Variants in DCAF12 observed in about 807,000 individuals in gnomAD.
DCAF12 encodes DDB1- and CUL4-associated factor 12.
Under a neutral mutation model 52.8 loss-of-function variants are expected in DCAF12, and 28 were observed. That is an observed-to-expected ratio of 0.53 (90% CI 0.39 to 0.73). The LOEUF is 0.73. DCAF12 is among the 30% of genes least tolerant of loss of function. The pLI is 0.00. For missense variants in DCAF12, 425 were observed against 552.2 expected (o/e 0.77, Z 2.31); for synonymous variants, 196 against 215.5 (o/e 0.91, Z 0.79).
intron 5 of DCAF12, 36 bp downstream of exon 5, chr9:34,098,288 G>A (rs760186338): frequency 1.3e-6 from 2 of 1,596,410 alleles, no homozygotes; most frequent in Admixed American, 1.7e-5. Flanking sequence ...ATAAGCAAGA[G>A]GAATACACGT....
chr9:34,093,615 AGAG>A (rs1472922375), intron 6 of DCAF12, 167 bp from the exon 7 acceptor site: 3 of 667,230 alleles, frequency 4.5e-6, no homozygotes, highest in Non-Finnish European at 7.5e-6. Flanking sequence ...TACAGGAGAA[AGAG>A]GAGGTGAATG....
chr9:34,116,414 T>C (rs1305348829), intron 2 of DCAF12, among the ~76,000 whole-genome samples: 1 of 151,798 alleles, frequency 6.6e-6, no homozygotes, highest in Non-Finnish European at 1.5e-5. Context: ...CTCACACCTG[T>C]AATCCCAGCA....
intron 4 of DCAF12, among the ~76,000 whole-genome samples, chr9:34,106,071 T>C (rs1828899760): frequency 6.6e-6 from 1 of 151,006 alleles, no homozygotes; most frequent in South Asian, 2.1e-4. Context: ...TTTCTTACAA[T>C]AAATGTGTAT....
At chr9:34,117,319 T>G (rs1276270228) in intron 2 of DCAF12, among the ~76,000 whole-genome samples, 2 of 151,230 alleles carry the variant, frequency 1.3e-5, no homozygotes, top group South Asian at 4.2e-4. Flanking sequence ...CCCGGCTAAT[T>G]TTTTGTATTT....
Position 34,107,385 on chromosome 9 carries a change from T to C in DCAF12, c.514A>G (p.Thr172Ala), listed in dbSNP as rs367801837. ...TCTCCTACACACACAGGATCCAGCGTAGGTAGTCGATAGATGGCAAGACTG... is the reference window on the plus strand; with the variant it reads ...TCTCCTACACACACAGGATCCAGCGCAGGTAGTCGATAGATGGCAAGACTG... ...PNSLAIYRLP[T>A]LDPVCVGDDG... The change falls in exon 3 of 9, where the codon ACG becomes GCG. Residue 172 changes from threonine to alanine, a missense_variant. Thr to Ala is a moderately conservative substitution (Grantham distance 58, BLOSUM62 0). This residue lies in a region of DCAF12 where 328 missense variants were observed against 444.4 expected (regional missense o/e 0.74). Transcript: ENST00000361264. The C allele has an allele frequency of 1.2e-6, 2 of 1,614,102 alleles. No homozygotes were observed. The highest frequency in any genetic ancestry group is 1.7e-6 in the Non-Finnish European group (2 of 1,180,024).
At chr9:34,089,726 G>A in intron 7 of DCAF12, 136 bp from the exon 8 acceptor site, 1 of 789,594 alleles carries the variant, frequency 1.3e-6, no homozygotes, top group Non-Finnish European at 1.9e-6. Flanking sequence ...GTATCAGACA[G>A]TGTTTTCCCA....
intron 8 of DCAF12, 123 bp from the exon 9 acceptor site, chr9:34,088,631 T>G: frequency 9.4e-7 from 1 of 1,065,876 alleles, no homozygotes; most frequent in Non-Finnish European, 1.4e-6. Flanking sequence ...TACAACCTCA[T>G]GTCAGGAGAT....
At chr9:34,101,940 TGG>T (rs1179966081) in intron 4 of DCAF12, among the ~76,000 whole-genome samples, 1 of 149,788 alleles carries the variant, frequency 6.7e-6, no homozygotes, top group Non-Finnish European at 1.5e-5. Flanking sequence ...AGCTTGAGCC[TGG>T]GAAGTAGAAG....
chr9:34,121,431 C>G (rs1190556316), intron 2 of DCAF12, among the ~76,000 whole-genome samples: 4 of 152,120 alleles, frequency 2.6e-5, no homozygotes, highest in African/African-American at 9.7e-5. Context: ...CCGAGAGGTC[C>G]CTCGCTCTCT....
At chr9:34,125,606 G>A (rs1439038826) in intron 1 of DCAF12, 3 of 482,722 alleles carry the variant, frequency 6.2e-6, no homozygotes, top group Non-Finnish European at 1.3e-5. Flanking sequence ...TTCCCATACC[G>A]ACATGGGCTG....
rs1180768717 is a variant in DCAF12 at position 34,089,267 on chromosome 9, CG to C, written c.1203+144del. ...CAACGTGCAGACATAAAAGCAAAATCGGGGGAAGTCTTTTCCTGTTCCAATG... is the reference window on the plus strand; with the variant it reads ...CAACGTGCAGACATAAAAGCAAAATCGGGGAAGTCTTTTCCTGTTCCAATG... On this transcript the variant is annotated intron_variant, in intron 8 of 8. Coordinates refer to ENST00000361264, the MANE Select transcript of DCAF12 (RefSeq NM_015397.4). 1.5e-5 allele frequency: 14 copies of C among 916,016 alleles called. No homozygotes were observed. The African/African-American group carries it at 2.0e-4, about 13-fold the overall frequency. The allele number at this position is 916,016 out of a possible 1,614,324, so 56.7% of individuals were successfully genotyped here.
intron 7 of DCAF12, among the ~76,000 whole-genome samples, 190 bp downstream of exon 7, chr9:34,093,096 G>A (rs954371699): frequency 6.6e-6 from 1 of 152,174 alleles, no homozygotes; most frequent in Non-Finnish European, 1.5e-5. Context: ...TGATCCACCC[G>A]CCTCGGCCTC....
intron 2 of DCAF12, among the ~76,000 whole-genome samples, chr9:34,114,887 G>A (rs975327651): frequency 2.6e-5 from 4 of 151,924 alleles, no homozygotes; most frequent in African/African-American, 9.7e-5. Context: ...GGATCTCATG[G>A]GCCCAGGAGG....
At chr9:34,090,737 C>G (rs1433645935) in intron 7 of DCAF12, among the ~76,000 whole-genome samples, 2 of 151,992 alleles carry the variant, frequency 1.3e-5, no homozygotes, top group Non-Finnish European at 2.9e-5. Context: ...TCACTGCAAC[C>G]TCCACCTCCC....
At chr9:34,113,778 C>G (rs1829042486) in intron 2 of DCAF12, among the ~76,000 whole-genome samples, 1 of 152,186 alleles carries the variant, frequency 6.6e-6, no homozygotes, top group African/African-American at 2.4e-5. Context: ...GATACGGAAT[C>G]AGCCGAAGTG....
chr9:34,098,648 T>C, intron 4 of DCAF12, 131 bp from the exon 5 acceptor site: 2 of 861,366 alleles, frequency 2.3e-6, no homozygotes, highest in South Asian at 3.8e-5. Flanking sequence ...CTTGGCCAGA[T>C]GGCCCACCCT....
intron 2 of DCAF12, among the ~76,000 whole-genome samples, chr9:34,118,610 C>A (rs1250268708): frequency 6.6e-6 from 1 of 152,058 alleles, no homozygotes; most frequent in Admixed American, 6.6e-5. Flanking sequence ...TACTGGAGAG[C>A]AGAGACGGTA....
chr9:34,104,207 G>C (rs1269465591), intron 4 of DCAF12, among the ~76,000 whole-genome samples: 1 of 151,954 alleles, frequency 6.6e-6, no homozygotes, highest in Non-Finnish European at 1.5e-5. Flanking sequence ...TGAGGTTGCA[G>C]TGAGCCAAGA....
Position 34,126,379 on chromosome 9 carries a change from G to C in DCAF12, c.53C>G (p.Ala18Gly), listed in dbSNP as rs764337097. The C allele has an allele frequency of 3.7e-6, 6 of 1,612,004 alleles. No homozygotes were observed. The African/African-American group carries it at 6.7e-5, about 18-fold the overall frequency. Residue 18 changes from alanine to glycine, a missense_variant, in exon 1 of 9, where the codon GCT becomes GGT. By Grantham distance (60) the Ala-to-Gly change is moderately conservative. Around this residue, in one of 3 missense-constraint regions of DCAF12, gnomAD observed 89 missense variants for 84.9 expected, o/e 1.05. Coordinates refer to ENST00000361264, the MANE Select transcript of DCAF12 (RefSeq NM_015397.4). Reference sequence around the variant, plus strand: ...CTGCGGGCCCTGAGCGTCGCTCCCAGCTCCCGGCGAGGCGGGCGCTTTCCG... The same window carrying C: ...CTGCGGGCCCTGAGCGTCGCTCCCACCTCCCGGCGAGGCGGGCGCTTTCCG... ...RKRKAPASPG[A>G]GSDAQGPQFG...
Sources: allele counts gnomAD v4.1 joint callset (sites outside exome capture counted in the v4.1 genomes callset), GRCh38; gene constraint gnomAD v4.1.1; regional missense constraint gnomAD v4.1.1; transcripts MANE v1.5; gene names NCBI Gene and HGNC (gene_info 2026-07-23, HGNC 2026-07-21).